The following DHX36 variants were observed in gnomAD, a reference collection of about 807,000 sequenced individuals.
DHX36 encodes ATP-dependent DNA/RNA helicase DHX36.
A neutral mutation model predicts 139.0 loss-of-function variants in DHX36; 50 were observed. The observed-to-expected ratio is 0.36, with a 90% CI of 0.29 to 0.46. The LOEUF is 0.46. Among genes scored for constraint, DHX36 ranks in the 20% least tolerant of loss-of-function variants. The pLI is 1.00. For missense variants in DHX36, 1,024 were observed against 1,211.3 expected, an observed-to-expected ratio of 0.85 and a Z score of 2.29; for synonymous variants, 425 against 401.9, an observed-to-expected ratio of 1.06 and a Z score of -0.69.
Position 154,316,169 on chromosome 3 carries a change from T to A in DHX36, c.244-6A>T. ...TCCATGTGTACTACAGCTCTCTAGT[T>A]TGTGCAAAGAAAAAAGCATCCTTGT... On this transcript the variant is annotated splice_region_variant and splice_polypyrimidine_tract_variant and intron_variant, in intron 1 of 24. Transcript: ENST00000496811. 1.2e-6 allele frequency: 2 copies of A among 1,611,250 alleles called. No individual in the cohort carries two copies. The highest frequency in any genetic ancestry group is 1.7e-6 in the Non-Finnish European group (2 of 1,178,920).
chr3:154,289,551 T>C (rs1041193118), intron 16 of DHX36, among the ~76,000 whole-genome samples, 158 bp downstream of exon 16: 4 of 152,186 alleles, frequency 2.6e-5, no homozygotes, highest in Non-Finnish European at 5.9e-5. Flanking sequence ...GAATATACAT[T>C]TGAAGGAAGT....
chr3:154,292,786 A>G, intron 14 of DHX36, 92 bp from the exon 15 acceptor site: 2 of 1,498,774 alleles, frequency 1.3e-6, no homozygotes, highest in East Asian at 4.7e-5. Flanking sequence ...AACCTATAAA[A>G]GACCAATAAA....
intron 19 of DHX36, 106 bp downstream of exon 19, chr3:154,284,477 G>T: frequency 9.9e-7 from 1 of 1,008,776 alleles, no homozygotes; most frequent in Non-Finnish European, 1.4e-6. Context: ...CACCGCGCCC[G>T]GCCTTATAAC....
rs369826889 is a variant in DHX36, at chr3:154,276,327, C to A, written c.2871G>T (p.Leu957=). 5 of 1,612,860 alleles carry A rather than the reference C, an allele frequency of 3.1e-6. No individual in the cohort carries two copies. In the African/African-American group the frequency reaches 6.7e-5, roughly 22 times the overall value. Residue 957 remains leucine (L), a synonymous_variant, in exon 25 of 25, where the codon CTG becomes CTT. Coordinates refer to ENST00000496811, the MANE Select transcript of DHX36 (RefSeq NM_020865.3). ...GATGAGGACTTTCAATCTTCTCTTGCAGAAGAATATCTAGTTCCTTTCTTA... is the reference window on the plus strand; with the variant it reads ...GATGAGGACTTTCAATCTTCTCTTGAAGAAGAATATCTAGTTCCTTTCTTA... ...KELRKELDIL[L]QEKIESPHPV...
intron 12 of DHX36, 194 bp downstream of exon 12, chr3:154,299,644 C>A (rs995830486): frequency 1.2e-5 from 7 of 583,832 alleles, no homozygotes; most frequent in African/African-American, 1.1e-4. Context: ...CATACCTATG[C>A]TTTAAGAGCC....
intron 13 of DHX36, 81 bp downstream of exon 13, chr3:154,295,203 T>A: frequency 1.2e-6 from 1 of 828,074 alleles, no homozygotes; most frequent in Non-Finnish European, 1.9e-6. Context: ...TTAAAAAAAA[T>A]AAAGGAAAAC....
At chr3:154,287,727 A>C (rs1711596760) in intron 17 of DHX36, among the ~76,000 whole-genome samples, 1 of 152,180 alleles carries the variant, frequency 6.6e-6, no homozygotes, top group Non-Finnish European at 1.5e-5. Flanking sequence ...AGTTGAAAAC[A>C]GATATGCAAT....
intron 3 of DHX36, among the ~76,000 whole-genome samples, chr3:154,312,780 ATCGTGCCACGGCAC>A (rs1712807970): frequency 6.8e-6 from 1 of 146,968 alleles, no homozygotes; most frequent in Non-Finnish European, 1.5e-5. Flanking sequence ...GTGAGCCGAG[ATCGTGCCACGGCAC>A]TCCAGCCTGG....
intron 1 of DHX36, among the ~76,000 whole-genome samples, chr3:154,323,290 G>A (rs1476153212): frequency 6.6e-6 from 1 of 151,746 alleles, no homozygotes; most frequent in Non-Finnish European, 1.5e-5. Flanking sequence ...AGCTAAGATC[G>A]TGCCACTGCA....
intron 19 of DHX36, among the ~76,000 whole-genome samples, chr3:154,283,855 C>T (rs1241361613): frequency 1.3e-5 from 2 of 152,082 alleles, no homozygotes; most frequent in Non-Finnish European, 2.9e-5. Flanking sequence ...CTTTTGGGAG[C>T]AGAAAATGTC....
chr3:154,300,224 C>G (rs773866700), intron 11 of DHX36, among the ~76,000 whole-genome samples: 5 of 152,038 alleles, frequency 3.3e-5, no homozygotes, highest in Admixed American at 1.3e-4. Context: ...TGTGTCACCA[C>G]GCCCAGCAAA....
In DHX36 at chr3:154,275,029, A is replaced by C. The variant is rs917148155; in HGVS notation, c.*1142T>G. ...ATATTTCAGGGACAAATAACAACTA[A>C]GATTCAGAGAGTACAGGCACTAGCC... On this transcript the variant is annotated 3_prime_UTR_variant, in exon 25 of 25. Transcript: ENST00000496811. 1 of 152,356 alleles carries C rather than the reference A, an allele frequency of 6.6e-6. No homozygotes were observed. Among genetic ancestry groups the C allele is most frequent in the Admixed American group, 6.5e-5 (1 of 15,306 alleles). 9.4% of individuals were successfully genotyped at this position (152,356 alleles called of 1,614,324 possible).
chr3:154,277,052 T>A (rs1225104952), intron 23 of DHX36, among the ~76,000 whole-genome samples, 153 bp from the exon 24 acceptor site: 2 of 152,220 alleles, frequency 1.3e-5, no homozygotes, highest in Admixed American at 1.3e-4. Flanking sequence ...GAAATACCAT[T>A]TTAAATGAGC....
rs570837731 is a variant in DHX36, at chr3:154,309,556, A to T, written c.813+97T>A. The T allele has an allele frequency of 6.3e-5, 69 of 1,092,680 alleles. No individual in the cohort carries two copies. In the South Asian group the frequency reaches 1.5e-3, roughly 23 times the overall value. 67.7% of individuals were successfully genotyped at this position (1,092,680 alleles called of 1,614,324 possible). A position where few individuals can be genotyped will look rare whatever the true frequency, so the allele number is the denominator to read the frequency against. Reference sequence around the variant, plus strand: ...TTTGCTTTCATAGTCACCAATCCTAAGCCTAATTAAGAATCACTCCACACC... The same window carrying T: ...TTTGCTTTCATAGTCACCAATCCTATGCCTAATTAAGAATCACTCCACACC... On this transcript the variant is annotated intron_variant, in intron 5 of 24. Transcript: ENST00000496811.
rs1223249933 is a variant in DHX36 at position 154,276,294 on chromosome 3, G to C, written c.2904C>G (p.Asp968Glu). The change falls in exon 25 of 25, where the codon GAC (aspartate) becomes GAG (glutamate). Residue 968 changes from aspartate (D) to glutamate (E), a missense_variant. Asp to Glu is a conservative substitution (Grantham distance 45). Transcript: ENST00000496811. The part of the protein sequence containing the change: ...QEKIESPHPV[D>E]WNDTKSRDCA... ...AGTCTCTGGATTTAGTGTCATTCCAGTCTACAGGATGAGGACTTTCAATCT... is the reference window on the plus strand; with the variant it reads ...AGTCTCTGGATTTAGTGTCATTCCACTCTACAGGATGAGGACTTTCAATCT... The C allele has an allele frequency of 6.2e-7, 1 of 1,613,868 alleles. No homozygotes were observed. Among genetic ancestry groups the C allele is most frequent in the African/African-American group, 1.3e-5 (1 of 75,012 alleles).
intron 1 of DHX36, among the ~76,000 whole-genome samples, chr3:154,316,759 G>A (rs1339546101): frequency 1.3e-5 from 2 of 150,208 alleles, no homozygotes; most frequent in Non-Finnish European, 3.0e-5. Flanking sequence ...GGTGAACTAT[G>A]AAACTTTGCA....
chr3:154,291,510 T>C (rs1711811737), intron 15 of DHX36, among the ~76,000 whole-genome samples: 1 of 151,758 alleles, frequency 6.6e-6, no homozygotes, highest in African/African-American at 2.4e-5. Context: ...AGTTATTCCC[T>C]GATAACTGAT....
Position 154,309,962 on chromosome 3 carries a change from T to C in DHX36, c.643-139A>G, listed in dbSNP as rs183321279. 9 of 634,798 alleles carry C rather than the reference T, an allele frequency of 1.4e-5. No homozygotes were observed. In the Admixed American group the frequency reaches 3.3e-4, roughly 23 times the overall value. 39.3% of individuals were successfully genotyped at this position (634,798 alleles called of 1,614,324 possible). A position where few individuals can be genotyped will look rare whatever the true frequency, so the allele number is the denominator to read the frequency against. On this transcript the variant is annotated intron_variant, in intron 4 of 24. Coordinates refer to ENST00000496811, the MANE Select transcript of DHX36 (RefSeq NM_020865.3). ...TTCTAAATTTTGCCATATCCAATAC[T>C]GGCAGTTTGGATATCTGGATCTACC...
intron 10 of DHX36, 82 bp downstream of exon 10, chr3:154,300,905 A>G (rs1480620382): frequency 1.3e-6 from 2 of 1,551,386 alleles, no homozygotes; most frequent in Admixed American, 1.9e-5. Flanking sequence ...AAGTACGTAC[A>G]GATTCAAGAA....
Sources: gnomAD v4.1 joint callset for allele counts (sites outside exome capture counted in the v4.1 genomes callset) on GRCh38, gnomAD v4.1.1 for gene constraint, MANE v1.5 for transcripts, NCBI Gene and HGNC (gene_info 2026-07-23, HGNC 2026-07-21) for gene names.